Variants in PRKCD observed in about 807,000 individuals in gnomAD.
The protein encoded by PRKCD is protein kinase C delta type.
A neutral mutation model predicts 82.2 loss-of-function variants in PRKCD; 20 were observed. That is an observed-to-expected ratio of 0.24 (90% CI 0.17 to 0.35). The LOEUF (loss-of-function observed/expected upper bound fraction) is 0.35, where lower values mean the gene tolerates loss of function less well. Ranked by LOEUF, PRKCD falls within the 10% of genes least tolerant of loss-of-function variation. PRKCD has a pLI of 1.00. For missense variants in PRKCD, 607 were observed against 899.0 expected (o/e 0.68, Z 4.15); for synonymous variants, 317 against 337.0 (o/e 0.94, Z 0.65).
At position 53,183,629 on chromosome 3, in the gene PRKCD, G is replaced by A. The variant is rs138878446; in HGVS notation, c.787+48G>A. 2.8e-4 allele frequency: 445 copies of A among 1,604,226 alleles called. 2 individuals carry two copies. In the African/African-American group the frequency reaches 4.0e-3, roughly 14 times the overall value. ...GCTGCAGGAGGGGCACTCCCAGCTG[G>A]TGCTGCTGTGAATTCCAGCCACCTC... On this transcript the variant is annotated intron_variant, in intron 9 of 18. Coordinates refer to ENST00000330452, the MANE Select transcript of PRKCD (RefSeq NM_006254.4).
At chr3:53,183,042 T>C in intron 7 of PRKCD, 79 bp from the exon 8 acceptor site, 1 of 1,441,214 alleles carries the variant, frequency 6.9e-7, no homozygotes, top group Admixed American at 1.7e-5. Context: ...AGGGCTAGAC[T>C]GGTCGGCAGG....
intron 14 of PRKCD, among the ~76,000 whole-genome samples, chr3:53,187,133 G>A (rs185225088): frequency 3.3e-5 from 5 of 151,906 alleles, no homozygotes; most frequent in Admixed American, 1.3e-4. Flanking sequence ...TTAGAGAATT[G>A]GCTCACTGAG....
At position 53,185,585 on chromosome 3, in the gene PRKCD, A is replaced by G. The variant is rs1703644817; in HGVS notation, c.889-19A>G. ...TAATGGTCTGACCATCTGGCCCCCC[A>G]CCTCTGCTCCCTCCCCAGAGAGCCT... is the stretch of plus-strand genomic sequence containing the variant. On this transcript the variant is annotated intron_variant, in intron 10 of 18. Transcript: ENST00000330452. The G allele has an allele frequency of 6.2e-7, 1 of 1,608,558 alleles. No individual in the cohort carries two copies. The highest frequency in any genetic ancestry group is 8.5e-7 in the Non-Finnish European group (1 of 1,175,986).
intron 14 of PRKCD, among the ~76,000 whole-genome samples, chr3:53,186,952 G>C (rs1703721962): frequency 6.6e-6 from 1 of 152,212 alleles, no homozygotes; most frequent in South Asian, 2.1e-4. Flanking sequence ...AGCCAGGGCA[G>C]CCTTGCAAAT....
At chr3:53,177,946 C>CTTTTTCT (rs1553666229) in intron 2 of PRKCD, among the ~76,000 whole-genome samples, 1 of 135,070 alleles carries the variant, frequency 7.4e-6, no homozygotes, top group Non-Finnish European at 1.6e-5. Flanking sequence ...TTTTCTTTTT[C>CTTTTTCT]TTTTTTTTTT....
chr3:53,183,671 C>A, intron 9 of PRKCD, 90 bp downstream of exon 9: 1 of 1,540,274 alleles, frequency 6.5e-7, no homozygotes. Flanking sequence ...CCCTCGCCTC[C>A]TCACCTGGAG....
intron 17 of PRKCD, 50 bp downstream of exon 17, chr3:53,189,296 G>A (rs761656666): frequency 1.3e-6 from 2 of 1,532,844 alleles, no homozygotes; most frequent in South Asian, 1.3e-5. Flanking sequence ...CTGGGGCAGG[G>A]GCTGGCAGAC....
intron 17 of PRKCD, 90 bp from the exon 18 acceptor site, chr3:53,189,783 G>A: frequency 6.3e-6 from 10 of 1,576,738 alleles, no homozygotes; most frequent in Non-Finnish European, 7.8e-6. Context: ...GGCAAGCCTG[G>A]CTTTGCATCC....
At chr3:53,172,025 G>A (rs1367173594) in intron 2 of PRKCD, among the ~76,000 whole-genome samples, 2 of 152,024 alleles carry the variant, frequency 1.3e-5, no homozygotes, top group African/African-American at 4.8e-5. Flanking sequence ...GGCCCAGGAG[G>A]AGCGCTGGCT....
At position 53,179,918 on chromosome 3, in the gene PRKCD, T is replaced by C. The variant is rs1298865883; in HGVS notation, c.315+142T>C. 9.0e-6 allele frequency: 9 copies of C among 995,106 alleles called. No homozygotes were observed. The East Asian group carries it at 2.4e-4, about 26-fold the overall frequency. The allele number at this position is 995,106 out of a possible 1,614,324, so 61.6% of individuals were successfully genotyped here. ...CACCGGGCCCTGTGCTGGCCACCAG[T>C]CCAGCCCTGTGGCCAACATGTCCTG... is the stretch of plus-strand genomic sequence containing the variant. On this transcript the variant is annotated intron_variant, in intron 4 of 18. Coordinates refer to ENST00000330452, the MANE Select transcript of PRKCD (RefSeq NM_006254.4).
rs370600760 is a variant in PRKCD at position 53,184,980 on chromosome 3, C to T, written c.888+6C>T. ...CCTTGAACCAAGTCACCCAGGTGGG[C>T]AGGTGCCATGGGGACCCTGGACACA... is the stretch of plus-strand genomic sequence containing the variant. On this transcript the variant is annotated splice_donor_region_variant and intron_variant, in intron 10 of 18. Coordinates refer to ENST00000330452, the MANE Select transcript of PRKCD (RefSeq NM_006254.4). 11 of 1,613,466 alleles carry T rather than the reference C, an allele frequency of 6.8e-6. No homozygotes were observed. The African/African-American group carries it at 1.5e-4, about 22-fold the overall frequency.
intron 3 of PRKCD, among the ~76,000 whole-genome samples, chr3:53,178,859 C>A (rs1002980198): frequency 5.9e-5 from 9 of 152,186 alleles, no homozygotes; most frequent in Non-Finnish European, 1.3e-4. Flanking sequence ...CCAGGACTAA[C>A]CTGGCCCTGC....
At chr3:53,181,349 T>C in intron 5 of PRKCD, 82 bp downstream of exon 5, 1 of 1,607,778 alleles carries the variant, frequency 6.2e-7, no homozygotes, top group Non-Finnish European at 8.5e-7. Context: ...AGCTGCTCCC[T>C]TCGGCAGAGC....
chr3:53,170,345 CTCTT>C (rs1702976250), intron 2 of PRKCD, among the ~76,000 whole-genome samples: 1 of 152,236 alleles, frequency 6.6e-6, no homozygotes, highest in Admixed American at 6.5e-5. Flanking sequence ...TGCTCAACCT[CTCTT>C]TCGGTTTCTG....
chr3:53,189,001 C>G (rs1553670144), intron 16 of PRKCD, 57 bp from the exon 17 acceptor site: 1 of 1,572,812 alleles, frequency 6.4e-7, no homozygotes, highest in Non-Finnish European at 8.6e-7. Context: ...TGCCCAGGGG[C>G]CCCTCTCAGC....
chr3:53,182,009 C>T (rs1553667746), intron 7 of PRKCD: 3 of 620,694 alleles, frequency 4.8e-6, no homozygotes, highest in Non-Finnish European at 9.0e-6. Context: ...GAAACCAGCC[C>T]AGGCCATGCA....
Position 53,169,043 on chromosome 3 carries a change from G to A in PRKCD, c.-20+3828G>A, listed in dbSNP as rs926547845. Among the ~76,000 whole-genome samples the A allele has an allele frequency of 2.6e-5, 4 of 152,130 alleles. No homozygotes were observed. The highest frequency in any genetic ancestry group is 9.7e-5 in the African/African-American group (4 of 41,404). On this transcript the variant is annotated intron_variant, in intron 2 of 18. Transcript: ENST00000330452. The surrounding 1 kb of genome is among the most constrained non-coding windows in gnomAD (Gnocchi z 4.7). ...AAGACAGGTGCAGAGCCTGGGGATG[G>A]TGGTGGTGGGAGAAGAGGATTTGAG...
In PRKCD at chr3:53,187,336, C is replaced by T. The variant is rs782614340; in HGVS notation, c.1353-4C>T. The T allele has an allele frequency of 1.4e-5, 22 of 1,614,008 alleles. No individual in the cohort carries two copies. In the South Asian group the frequency reaches 2.2e-4, roughly 16 times the overall value. On this transcript the variant is annotated splice_polypyrimidine_tract_variant and splice_region_variant and intron_variant, in intron 14 of 18. Coordinates refer to ENST00000330452, the MANE Select transcript of PRKCD (RefSeq NM_006254.4). ...GGAACACTTTATCCCTCTCTCTTGC[C>T]CAGGTTTTATGCCGCTGAGATAATG... is the stretch of plus-strand genomic sequence containing the variant.
intron 2 of PRKCD, among the ~76,000 whole-genome samples, chr3:53,166,860 A>G (rs3773732): frequency 0.65 from 99,231 of 152,234 alleles, 33,469 homozygotes; most frequent in Non-Finnish European, 0.74. Flanking sequence ...AGGGATTGGC[A>G]TGGGAGATGG....
Sources: gnomAD v4.1 joint callset for allele counts (sites outside exome capture counted in the v4.1 genomes callset) on GRCh38, gnomAD v4.1.1 for gene constraint, Gnocchi (gnomAD v3.1) non-coding constraint, MANE v1.5 for transcripts, NCBI Gene and HGNC (gene_info 2026-07-23, HGNC 2026-07-21) for gene names.